CENPP: variants seen among roughly 807,000 people sequenced by gnomAD.
The protein encoded by CENPP is centromere protein P.
Under a neutral mutation model 35.6 loss-of-function variants are expected in CENPP, and 24 were observed. That is an observed-to-expected ratio of 0.67 (90% CI 0.49 to 0.95). The LOEUF (loss-of-function observed/expected upper bound fraction) is 0.95. CENPP is among the 40% of genes least tolerant of loss of function. The probability of loss-of-function intolerance (pLI) is 0.00; values close to 1 mark genes in which losing one functional copy is unlikely to be tolerated. For synonymous variants in CENPP, 120 were observed against 125.5 expected, an observed-to-expected ratio of 0.96 and a Z score of 0.29; for missense variants, 332 against 345.3, an observed-to-expected ratio of 0.96 and a Z score of 0.31.
intron 5 of CENPP, among the ~76,000 whole-genome samples, chr9:92,398,056 T>C (rs1842963771): frequency 6.6e-6 from 1 of 152,240 alleles, no homozygotes; most frequent in Non-Finnish European, 1.5e-5. Context: ...TACGTATATT[T>C]ACTTAGTTCT....
At chr9:92,402,447 T>G (rs1843155180) in intron 5 of CENPP, among the ~76,000 whole-genome samples, 1 of 152,230 alleles carries the variant, frequency 6.6e-6, no homozygotes, top group South Asian at 2.1e-4. Flanking sequence ...TTTGGCTGAA[T>G]TTCTCATTTT....
intron 5 of CENPP, chr9:92,464,908 T>C (rs751496863): frequency 6.4e-7 from 1 of 1,560,770 alleles, no homozygotes; most frequent in East Asian, 2.2e-5. Flanking sequence ...TTAGATAAAG[T>C]AAATACAAAC....
chr9:92,507,794 T>G (rs1295339214), intron 5 of CENPP, among the ~76,000 whole-genome samples: 1 of 152,138 alleles, frequency 6.6e-6, no homozygotes, highest in Admixed American at 6.6e-5. Context: ...TCTCTCTCAA[T>G]TGTAAGTCCT....
chr9:92,374,428 A>G (rs1842081092), intron 4 of CENPP, among the ~76,000 whole-genome samples: 3 of 151,888 alleles, frequency 2.0e-5, no homozygotes, highest in Admixed American at 2.0e-4. Flanking sequence ...CTGGTCTCGA[A>G]CTCCCAAACT....
chr9:92,482,379 T>A (rs1845942322), intron 5 of CENPP: 1 of 152,106 alleles, frequency 6.6e-6, no homozygotes, highest in African/African-American at 2.4e-5. Flanking sequence ...AGACACTGTG[T>A]AAGAAGAAAA....
chr9:92,433,206 A>C (rs1844162676), intron 5 of CENPP, among the ~76,000 whole-genome samples: 1 of 152,216 alleles, frequency 6.6e-6, no homozygotes, highest in Non-Finnish European at 1.5e-5. Context: ...TGCTGGGTTA[A>C]AGAGAGCAAG....
Position 92,616,001 on chromosome 9 carries a change from GAC to G in CENPP, c.*2855_*2856del. ...GGGCTTGAGGTCAAGGTCCAGCACA[GAC>G]ACGGAAAAGGCAAACCTGGACCTCG... is the stretch of plus-strand genomic sequence containing the variant. On this transcript the variant is annotated 3_prime_UTR_variant, in exon 8 of 8. Transcript: ENST00000375587. 1.2e-6 allele frequency: 2 copies of G among 1,614,202 alleles called. No homozygotes were observed. The highest frequency in any genetic ancestry group is 1.7e-6 in the Non-Finnish European group (2 of 1,180,042).
chr9:92,372,531 A>G (rs1241592311), intron 4 of CENPP, among the ~76,000 whole-genome samples: 3 of 152,114 alleles, frequency 2.0e-5, no homozygotes, highest in Non-Finnish European at 4.4e-5. Flanking sequence ...TTTACCAGTG[A>G]GTTTTACACT....
At chr9:92,383,031 G>A (rs1842299177) in intron 5 of CENPP, among the ~76,000 whole-genome samples, 1 of 151,314 alleles carries the variant, frequency 6.6e-6, no homozygotes, top group Non-Finnish European at 1.5e-5. Context: ...CAGTAGCTGG[G>A]ATTACAGGCA....
intron 5 of CENPP, among the ~76,000 whole-genome samples, chr9:92,428,349 G>A (rs1844020719): frequency 6.6e-6 from 1 of 152,144 alleles, no homozygotes; most frequent in East Asian, 1.9e-4. Flanking sequence ...TACCAGAGCT[G>A]CTTATTAAAA....
intron 3 of CENPP, among the ~76,000 whole-genome samples, chr9:92,343,026 T>A (rs548371732): frequency 3.0e-4 from 46 of 152,358 alleles, no homozygotes; most frequent in African/African-American, 1.1e-3. Context: ...AAACATTTTT[T>A]AAAAATAAAA....
intron 5 of CENPP, among the ~76,000 whole-genome samples, chr9:92,481,609 A>G (rs1280613228): frequency 6.6e-6 from 1 of 152,196 alleles, no homozygotes; most frequent in Non-Finnish European, 1.5e-5. Context: ...GGAGTAGACA[A>G]AGGAAATCTT....
intron 5 of CENPP, among the ~76,000 whole-genome samples, chr9:92,443,976 G>A (rs1403885921): frequency 6.6e-6 from 1 of 151,852 alleles, no homozygotes; most frequent in Non-Finnish European, 1.5e-5. Flanking sequence ...AAATCTTAAG[G>A]TATAGACCTA....
intron 5 of CENPP, among the ~76,000 whole-genome samples, chr9:92,472,634 G>C (rs1352652070): frequency 6.6e-6 from 1 of 152,034 alleles, no homozygotes; most frequent in Non-Finnish European, 1.5e-5. Flanking sequence ...CTCCAGCCTG[G>C]GTGACAGAGC....
chr9:92,379,700 A>G, intron 4 of CENPP, 63 bp from the exon 5 acceptor site: 2 of 1,256,500 alleles, frequency 1.6e-6, no homozygotes, highest in Non-Finnish European at 2.3e-6. Flanking sequence ...GAAAAGAAAT[A>G]AAGCTAGATT....
At position 92,617,243 on chromosome 9, in the gene CENPP, G is replaced by A. The variant is rs1851469375; in HGVS notation, c.*4094G>A. 1 of 152,196 alleles carries A rather than the reference G, an allele frequency of 6.6e-6. No homozygotes were observed. Among genetic ancestry groups the A allele is most frequent in the Admixed American group, 6.6e-5 (1 of 15,266 alleles). 9.4% of individuals were successfully genotyped at this position (152,196 alleles called of 1,614,324 possible). The stretch of plus-strand genomic sequence containing the variant: ...AGCCCAAGGTACTGCTCAGTTCTGA[G>A]GCCTGAGACCCAAGCTGGGTGCACC... On this transcript the variant is annotated 3_prime_UTR_variant, in exon 8 of 8. Transcript: ENST00000375587.
intron 5 of CENPP, among the ~76,000 whole-genome samples, chr9:92,609,792 G>A (rs968459012): frequency 6.6e-6 from 1 of 152,118 alleles, no homozygotes; most frequent in Non-Finnish European, 1.5e-5. Flanking sequence ...GCTGGATGGA[G>A]TGCAGTGGCA....
At position 92,476,119 on chromosome 9, in the gene CENPP, G is replaced by A. The variant is rs1034907760; in HGVS notation, c.564+96260G>A. Among the ~76,000 whole-genome samples the A allele has an allele frequency of 1.2e-4, 19 of 152,122 alleles. No individual in the cohort carries two copies. The highest frequency in any genetic ancestry group is 3.6e-4 in the African/African-American group (15 of 41,408). On this transcript the variant is annotated intron_variant, in intron 5 of 7. Coordinates refer to ENST00000375587, the MANE Select transcript of CENPP (RefSeq NM_001012267.3). The surrounding 1 kb of genome is among the most constrained non-coding windows in gnomAD (Gnocchi z 4.1). ...ACTCACCACCACAGCAGAGGGCTCC[G>A]CAGACCCTAATAGTCCACCAGGCTA...
At chr9:92,523,070 A>T (rs1376976731) in intron 5 of CENPP, among the ~76,000 whole-genome samples, 2 of 151,994 alleles carry the variant, frequency 1.3e-5, no homozygotes, top group Non-Finnish European at 2.9e-5. Flanking sequence ...TTCTATCAGA[A>T]TCAAAAAACT....
Sources: gnomAD v4.1 joint callset for allele counts (sites outside exome capture counted in the v4.1 genomes callset) on GRCh38, gnomAD v4.1.1 for gene constraint, Gnocchi (gnomAD v3.1) non-coding constraint, MANE v1.5 for transcripts, NCBI Gene and HGNC (gene_info 2026-07-23, HGNC 2026-07-21) for gene names.